SASH1: variants seen among roughly 807,000 people sequenced by gnomAD.
SASH1 encodes the protein SAM and SH3 domain-containing protein 1.
Under a neutral mutation model 125.2 loss-of-function variants are expected in SASH1, and 44 were observed. That is an observed-to-expected ratio of 0.35 (90% CI 0.28 to 0.45). The LOEUF (loss-of-function observed/expected upper bound fraction) is 0.45, where lower values mean the gene tolerates loss of function less well. SASH1 is among the 20% of genes least tolerant of loss of function. The pLI is 1.00. For synonymous variants in SASH1, 639 were observed against 649.1 expected (o/e 0.98, Z 0.24); for missense variants, 1,426 against 1,614.5 (o/e 0.88, Z 2.00).
At chr6:148,260,109 T>C in the SASH1 span, among the ~76,000 whole-genome samples, 2 of 152,208 alleles carry the variant, frequency 1.3e-5, no homozygotes, top group African/African-American at 4.8e-5. Context: ...AAATGGCATA[T>C]TTAAAAACCA....
At chr6:148,318,390 G>A (rs140877918) in intron 1 of SASH1, among the ~76,000 whole-genome samples, 2 of 152,194 alleles carry the variant, frequency 1.3e-5, no homozygotes, top group East Asian at 3.9e-4. Context: ...AGATAGTTTA[G>A]TTCAAAATCA....
intron 2 of SASH1, among the ~76,000 whole-genome samples, chr6:148,432,133 G>C (rs11155567): frequency 1.3e-5 from 2 of 151,898 alleles, no homozygotes; most frequent in Non-Finnish European, 2.9e-5. Flanking sequence ...GTGCCACCAC[G>C]CTGGGCTAAT....
At chr6:148,415,078 G>A (rs1354267277) in intron 2 of SASH1, among the ~76,000 whole-genome samples, 26 of 152,184 alleles carry the variant, frequency 1.7e-4, no homozygotes, top group Non-Finnish European at 2.9e-5. Context: ...TTCACAGAGT[G>A]CACAGTATTT....
At chr6:148,237,165 G>T in the SASH1 span, among the ~76,000 whole-genome samples, 1 of 151,178 alleles carries the variant, frequency 6.6e-6, no homozygotes, top group South Asian at 2.1e-4. Context: ...TTACTGAACA[G>T]TGAAAGGTTT....
rs751178487 is a variant in SASH1, at chr6:148,519,669, T to C, written c.985T>C (p.Ser329Pro). The C allele has an allele frequency of 6.2e-7, 1 of 1,614,076 alleles. No individual in the cohort carries two copies. The highest frequency in any genetic ancestry group is 1.3e-5 in the African/African-American group (1 of 75,004). Residue 329 changes from serine to proline, a missense_variant, in exon 10 of 20, where the codon TCA (serine) becomes CCA (proline). Around this residue, in one of 3 missense-constraint regions of SASH1, gnomAD observed 567 missense variants for 575.6 expected, o/e 0.99. Coordinates refer to ENST00000367467, the MANE Select transcript of SASH1 (RefSeq NM_015278.5). The surrounding 1 kb of genome is among the most constrained non-coding windows in gnomAD (Gnocchi z 4.8). The part of the protein sequence containing the change: ...GSPEKPPEDD[S>P]DSLTTSPSSS... ...TCCTGAGAAACCTCCCGAAGATGAC[T>C]CAGACTCTCTCACCACGTCTCCATC... is the stretch of plus-strand genomic sequence containing the variant.
rs1468869249 is a variant in SASH1 at position 148,532,306 on chromosome 6, G to T, written c.1565-491G>T. Among the ~76,000 whole-genome samples, 1 of 152,124 alleles carries T rather than the reference G, an allele frequency of 6.6e-6. No individual in the cohort carries two copies. ...GCTGGTGGAACTCCTGGACTCAAGC[G>T]ATCTGCCCACCTCGGCCTCCTAAAG... On this transcript the variant is annotated intron_variant, in intron 13 of 19. Transcript: ENST00000367467. This position sits in a 1 kb window ranked among gnomAD's most constrained non-coding sequence, Gnocchi z 4.7.
the SASH1 span, among the ~76,000 whole-genome samples, chr6:148,253,601 G>A: frequency 5.0e-3 from 757 of 152,272 alleles, 9 homozygotes; most frequent in African/African-American, 0.016. Context: ...GGCCGGGTGC[G>A]GTGGCTGATG....
chr6:148,398,949 G>A (rs1784060582), intron 2 of SASH1, among the ~76,000 whole-genome samples: 1 of 152,140 alleles, frequency 6.6e-6, no homozygotes, highest in African/African-American at 2.4e-5. Context: ...TTTTGCACAT[G>A]GCACTATGGG....
At chr6:148,520,062 G>A (rs143349006) in intron 10 of SASH1, 169 bp downstream of exon 10, 9 of 600,696 alleles carry the variant, frequency 1.5e-5, no homozygotes, top group East Asian at 8.4e-5. Flanking sequence ...CAGAAAAGGC[G>A]TCACCAGCAC....
At chr6:148,445,899 C>T (rs767787048) in intron 4 of SASH1, among the ~76,000 whole-genome samples, 2 of 151,974 alleles carry the variant, frequency 1.3e-5, no homozygotes, top group African/African-American at 2.4e-5. Flanking sequence ...AGAACTGTCA[C>T]GAGCTTACGT....
At chr6:148,494,732 C>T (rs1779247269) in intron 8 of SASH1, among the ~76,000 whole-genome samples, 1 of 152,206 alleles carries the variant, frequency 6.6e-6, no homozygotes, top group African/African-American at 2.4e-5. Context: ...CATAGCCTTC[C>T]ATTCAACCAT....
chr6:148,272,234 A>T, upstream of SASH1: 1 of 406,252 alleles, frequency 2.5e-6, no homozygotes, highest in Admixed American at 2.5e-5. Context: ...AGAGTGTCCC[A>T]CATCTGCCCT....
chr6:148,222,487 A>G, the SASH1 span, among the ~76,000 whole-genome samples: 1 of 152,118 alleles, frequency 6.6e-6, no homozygotes, highest in East Asian at 1.9e-4. Context: ...TGTGCACTTC[A>G]AATCGCTTCT....
At chr6:148,228,885 C>A in the SASH1 span, among the ~76,000 whole-genome samples, 1 of 152,072 alleles carries the variant, frequency 6.6e-6, no homozygotes, top group African/African-American at 2.4e-5. Context: ...CCTGTAATCC[C>A]AGCACCTTTG....
At position 148,546,039 on chromosome 6, in the gene SASH1, G is replaced by A. The variant is rs140029878; in HGVS notation, c.3373G>A (p.Ala1125Thr). The change falls in exon 19 of 20, where the codon GCC becomes ACC. Residue 1125 changes from alanine to threonine, a missense_variant. Coordinates refer to ENST00000367467, the MANE Select transcript of SASH1 (RefSeq NM_015278.5). ...DKHGRCGIPE[A>T]LVQRYAEDLD... ...GCATGGCCGCTGTGGGATTCCTGAAGCCCTGGTGCAGAGATACGCAGAGGA... is the reference window on the plus strand; with the variant it reads ...GCATGGCCGCTGTGGGATTCCTGAAACCCTGGTGCAGAGATACGCAGAGGA... 5.2e-4 allele frequency: 845 copies of A among 1,614,050 alleles called. 3 individuals carry two copies. The highest frequency in any genetic ancestry group is 4.0e-4 in the East Asian group (18 of 44,892).
intron 8 of SASH1, among the ~76,000 whole-genome samples, chr6:148,506,978 GACA>G (rs1159968172): frequency 6.6e-5 from 10 of 152,160 alleles, no homozygotes; most frequent in Non-Finnish European, 1.5e-4. Context: ...CTAAGCTTTG[GACA>G]AATACAAGTG....
intron 8 of SASH1, among the ~76,000 whole-genome samples, chr6:148,505,981 G>A (rs1317768422): frequency 1.3e-5 from 2 of 151,320 alleles, no homozygotes; most frequent in Non-Finnish European, 2.9e-5. Flanking sequence ...GTGTTAGCCA[G>A]GATGGTCTCG....
the SASH1 span, among the ~76,000 whole-genome samples, chr6:148,208,926 A>G: frequency 6.6e-6 from 1 of 152,256 alleles, no homozygotes; most frequent in African/African-American, 2.4e-5. Context: ...TTTAATTACA[A>G]ATATAAAATA....
chr6:148,261,085 G>A, the SASH1 span, among the ~76,000 whole-genome samples: 27 of 152,108 alleles, frequency 1.8e-4, no homozygotes, highest in Non-Finnish European at 2.5e-4. Context: ...GATTACAGGC[G>A]TGAGCCACTG....
Sources: gnomAD v4.1 joint callset for allele counts (sites outside exome capture counted in the v4.1 genomes callset) on GRCh38, gnomAD v4.1.1 for gene constraint, gnomAD v4.1.1 regional missense constraint, Gnocchi (gnomAD v3.1) non-coding constraint, MANE v1.5 for transcripts, NCBI Gene and HGNC (gene_info 2026-07-23, HGNC 2026-07-21) for gene names.